Variants in CACNA2D3 observed in about 807,000 individuals in gnomAD.
CACNA2D3 encodes calcium voltage-gated channel auxiliary subunit alpha2delta 3, also known as voltage-dependent calcium channel subunit alpha-2/delta-3.
In CACNA2D3, 60 loss-of-function variants were observed where a neutral mutation model predicts 160.6. The observed-to-expected ratio is 0.37, with a 90% CI of 0.30 to 0.46. The LOEUF (loss-of-function observed/expected upper bound fraction) is 0.46. Among genes scored for constraint, CACNA2D3 ranks in the 20% least tolerant of loss-of-function variants. The pLI, the probability that CACNA2D3 is intolerant of heterozygous loss-of-function variation, is 1.00. For missense variants in CACNA2D3, 1,205 were observed against 1,365.0 expected, an observed-to-expected ratio of 0.88 and a Z score of 1.85; for synonymous variants, 558 against 492.9, an observed-to-expected ratio of 1.13 and a Z score of -1.75.
chr3:54,527,651 C>T (rs778619110), intron 5 of CACNA2D3, among the ~76,000 whole-genome samples: 4 of 152,154 alleles, frequency 2.6e-5, no homozygotes, highest in African/African-American at 4.8e-5. Context: ...CAGCTGTACT[C>T]GCCCAGAACT....
chr3:54,693,022 A>T (rs1575426313), intron 11 of CACNA2D3, among the ~76,000 whole-genome samples: 1 of 6,814 alleles, frequency 1.5e-4, no homozygotes, highest in Admixed American at 4.2e-3. Context: ...AGCAAAATGT[A>T]AAAAAAAAAC....
At chr3:55,017,596 T>A (rs1222640303) in intron 34 of CACNA2D3, among the ~76,000 whole-genome samples, 1 of 152,184 alleles carries the variant, frequency 6.6e-6, no homozygotes, top group Non-Finnish European at 1.5e-5. Context: ...CTAGTGAGGT[T>A]TTGGATCTTG....
At chr3:54,979,632 G>A (rs1702464185) in intron 29 of CACNA2D3, among the ~76,000 whole-genome samples, 1 of 152,118 alleles carries the variant, frequency 6.6e-6, no homozygotes, top group African/African-American at 2.4e-5. Context: ...TATTACTTCA[G>A]TTTTTTATTA....
intron 5 of CACNA2D3, among the ~76,000 whole-genome samples, chr3:54,523,567 T>C (rs1267374271): frequency 1.3e-5 from 2 of 152,148 alleles, no homozygotes; most frequent in African/African-American, 2.4e-5. Context: ...TTGTTCTCCT[T>C]TTTTATAATT....
intron 31 of CACNA2D3, among the ~76,000 whole-genome samples, chr3:54,995,909 T>C (rs1438284029): frequency 6.6e-6 from 1 of 152,146 alleles, no homozygotes; most frequent in African/African-American, 2.4e-5. Flanking sequence ...ATAACTCTTC[T>C]CCTAGTCTTC....
chr3:54,477,083 A>T (rs1365055646), intron 4 of CACNA2D3, among the ~76,000 whole-genome samples: 2 of 152,144 alleles, frequency 1.3e-5, no homozygotes, highest in Non-Finnish European at 2.9e-5. Flanking sequence ...CATACTAGTC[A>T]CTGTGGAGAT....
chr3:54,365,650 G>T (rs944094701), intron 3 of CACNA2D3, among the ~76,000 whole-genome samples: 2 of 152,186 alleles, frequency 1.3e-5, no homozygotes, highest in Admixed American at 6.5e-5. Context: ...GATCACCTGA[G>T]ATTGGGAGTT....
chr3:54,306,902 A>T (rs1703615173), intron 2 of CACNA2D3, among the ~76,000 whole-genome samples: 1 of 152,114 alleles, frequency 6.6e-6, no homozygotes, highest in Admixed American at 6.5e-5. Context: ...TCAGTGGGAG[A>T]TTTCATATAA....
intron 17 of CACNA2D3, among the ~76,000 whole-genome samples, chr3:54,856,951 T>G (rs1204996187): frequency 6.6e-6 from 1 of 152,186 alleles, no homozygotes; most frequent in Non-Finnish European, 1.5e-5. Context: ...CTGATGACTT[T>G]TTGTGTTTTA....
At chr3:54,391,757 T>G (rs573975208) in intron 4 of CACNA2D3, among the ~76,000 whole-genome samples, 2 of 152,230 alleles carry the variant, frequency 1.3e-5, no homozygotes, top group Admixed American at 6.5e-5. Context: ...GTGACCTGCC[T>G]GACTTGGCCT....
At chr3:54,261,982 C>G (rs1372152741) in intron 2 of CACNA2D3, among the ~76,000 whole-genome samples, 2 of 152,092 alleles carry the variant, frequency 1.3e-5, no homozygotes, top group Non-Finnish European at 2.9e-5. Flanking sequence ...CTCTTTGCAG[C>G]CCCACATGTG....
chr3:54,247,872 ACCATGCCTAG>A (rs1559895104), intron 2 of CACNA2D3, among the ~76,000 whole-genome samples: 2 of 8,824 alleles, frequency 2.3e-4, no homozygotes, highest in Non-Finnish European at 2.1e-3. Context: ...CATGCCTAGT[ACCATGCCTAG>A]TACCATGCCT....
chr3:54,669,731 G>A (rs917485876), intron 11 of CACNA2D3, among the ~76,000 whole-genome samples: 1 of 151,546 alleles, frequency 6.6e-6, no homozygotes, highest in Non-Finnish European at 1.5e-5. Context: ...CAATGACTGG[G>A]GCTCTTTAAA....
intron 5 of CACNA2D3, among the ~76,000 whole-genome samples, chr3:54,560,409 CT>C (rs1254646446): frequency 5.3e-5 from 8 of 152,094 alleles, no homozygotes; most frequent in Non-Finnish European, 1.2e-4. Flanking sequence ...TGTTCATTTC[CT>C]TTGTCCACTT....
In CACNA2D3 at chr3:54,303,818, GTT is replaced by G. The variant is rs71617795; in HGVS notation, c.205-16605_205-16604del. 6.1e-3 allele frequency among the ~76,000 whole-genome samples: 702 copies of G among 114,970 alleles called. 6 individuals carry two copies. The highest frequency in any genetic ancestry group is 0.019 in the African/African-American group (562 of 29,518). 75.4% of individuals were successfully genotyped at this position (114,970 alleles called of 152,430 possible). A position where few individuals can be genotyped will look rare whatever the true frequency, so the allele number is the denominator to read the frequency against. On this transcript the variant is annotated intron_variant, in intron 2 of 37. Transcript: ENST00000474759. ...CAGCCTCATCAGTGACTTTTTTTCT[GTT>G]TTTTTTTTTTTTTTTTTTCTATTGC... is the stretch of plus-strand genomic sequence containing the variant.
At chr3:54,290,941 A>G (rs1301753289) in intron 2 of CACNA2D3, among the ~76,000 whole-genome samples, 2 of 152,194 alleles carry the variant, frequency 1.3e-5, no homozygotes, top group Admixed American at 1.3e-4. Flanking sequence ...TAGCATTAGG[A>G]GATATACCTA....
intron 29 of CACNA2D3, among the ~76,000 whole-genome samples, chr3:54,976,470 C>A (rs1702393861): frequency 6.6e-6 from 1 of 151,980 alleles, no homozygotes; most frequent in Non-Finnish European, 1.5e-5. Flanking sequence ...TACCCTAAAA[C>A]TTAAAGTATA....
chr3:54,889,375 C>T (rs891299807), intron 24 of CACNA2D3, among the ~76,000 whole-genome samples: 4 of 152,038 alleles, frequency 2.6e-5, no homozygotes, highest in African/African-American at 9.7e-5. Flanking sequence ...TACAGTTTTC[C>T]CAGGGATTCA....
At chr3:54,182,733 C>T (rs1175127136) in intron 2 of CACNA2D3, among the ~76,000 whole-genome samples, 4 of 152,076 alleles carry the variant, frequency 2.6e-5, no homozygotes, top group East Asian at 3.9e-4. Flanking sequence ...GGGCCCTGGG[C>T]GATCACTTCC....
Sources: allele counts gnomAD v4.1 joint callset (sites outside exome capture counted in the v4.1 genomes callset), GRCh38; gene constraint gnomAD v4.1.1; transcripts MANE v1.5; gene names NCBI Gene and HGNC (gene_info 2026-07-23, HGNC 2026-07-21).